The following TBC1D31 variants were observed in gnomAD, a reference collection of about 807,000 sequenced individuals.
TBC1D31 encodes WD repeat domain 67.
In TBC1D31, 99 loss-of-function variants were observed where a neutral mutation model predicts 132.9. That is an observed-to-expected ratio of 0.74 (90% confidence interval 0.63 to 0.88). The LOEUF (loss-of-function observed/expected upper bound fraction) is 0.88, where lower values mean the gene tolerates loss of function less well. Among genes scored for constraint, TBC1D31 ranks in the 40% least tolerant of loss-of-function variants. TBC1D31 has a pLI of 0.00. For synonymous variants in TBC1D31, 385 were observed against 419.4 expected, an observed-to-expected ratio of 0.92 and a Z score of 1.00; for missense variants, 1,134 against 1,256.6, an observed-to-expected ratio of 0.90 and a Z score of 1.48.
chr8:123,160,424 G>GGGAGGGAGAGGGA, the TBC1D31 span, among the ~76,000 whole-genome samples: 1 of 151,348 alleles, frequency 6.6e-6, no homozygotes, highest in African/African-American at 2.4e-5. Context: ...AGGAGAGGAG[G>GGGAGGGAGAGGGA]GGAGGGAGAG....
intron 15 of TBC1D31, 68 bp downstream of exon 15, chr8:123,129,286 A>AT (rs1820395858): frequency 1.8e-6 from 2 of 1,118,056 alleles, no homozygotes; most frequent in African/African-American, 1.6e-5. Context: ...ATGTTCTTTC[A>AT]TTTTTTCATT....
At chr8:123,157,252 C>T in the TBC1D31 span, among the ~76,000 whole-genome samples, 2 of 152,200 alleles carry the variant, frequency 1.3e-5, no homozygotes, top group Non-Finnish European at 1.5e-5. Flanking sequence ...GGATCGAACT[C>T]ACGACCTTCA....
At chr8:123,163,456 C>T in the TBC1D31 span, among the ~76,000 whole-genome samples, 3 of 150,676 alleles carry the variant, frequency 2.0e-5, no homozygotes, top group Non-Finnish European at 3.0e-5. Flanking sequence ...CCTCCACCTC[C>T]CCAGCCTTAG....
At chr8:123,162,053 T>C in the TBC1D31 span, among the ~76,000 whole-genome samples, 1 of 147,232 alleles carries the variant, frequency 6.8e-6, no homozygotes, top group East Asian at 2.0e-4. Context: ...CCCAATGACA[T>C]CTATATATGC....
At chr8:123,117,740 G>A (rs920959246) in intron 10 of TBC1D31, among the ~76,000 whole-genome samples, 63 of 106,396 alleles carry the variant, frequency 5.9e-4, no homozygotes, top group Non-Finnish European at 7.3e-4. Flanking sequence ...GCGACAGAGC[G>A]AAACTCCGTC....
rs1816936749 is a variant in TBC1D31 at position 123,097,441 on chromosome 8, G to A, written c.831G>A (p.Gln277=). 28 of 1,613,962 alleles carry A rather than the reference G, an allele frequency of 1.7e-5. No individual in the cohort carries two copies. Among genetic ancestry groups the A allele is most frequent in the Non-Finnish European group, 2.2e-5 (26 of 1,179,960 alleles). ...ATAGTTTTGATGCTGGTTCTAATCA[G>A]GTTAGTAACATAAATGTAGGGCACT... ...LPDSFDAGSN[Q]VLGVLSQDGI... Residue 277 remains glutamine, a splice_region_variant and synonymous_variant, in exon 6 of 22, where the codon CAG becomes CAA. Transcript: ENST00000287380.
Position 123,144,812 on chromosome 8 carries a change from G to A in TBC1D31, c.2931G>A (p.Glu977=), listed in dbSNP as rs1822030828. Residue 977 remains glutamate (E), a synonymous_variant, in exon 20 of 22, where the codon GAG becomes GAA. Transcript: ENST00000287380. ...CTAGAAAGTGGTTTTTAAAGCAAGA[G>A]ATAAATGCGGCTGTAGAACATGCTG... is the stretch of plus-strand genomic sequence containing the variant. ...DASRKWFLKQ[E]INAAVEHAEN... The A allele has an allele frequency of 2.5e-6, 4 of 1,613,826 alleles. No individual in the cohort carries two copies. Among genetic ancestry groups the A allele is most frequent in the South Asian group, 1.1e-5 (1 of 90,952 alleles).
chr8:123,117,529 C>T (rs1390392122), intron 10 of TBC1D31, among the ~76,000 whole-genome samples: 2 of 151,314 alleles, frequency 1.3e-5, no homozygotes, highest in Non-Finnish European at 2.9e-5. Context: ...CCGAGACGGG[C>T]GGATGACGAG....
At chr8:123,075,546 A>G (rs1200184596) in intron 1 of TBC1D31, among the ~76,000 whole-genome samples, 1 of 152,100 alleles carries the variant, frequency 6.6e-6, no homozygotes. Context: ...TACTAAAAAT[A>G]CAAAAAATTA....
Position 123,141,450 on chromosome 8 carries a change from A to G in TBC1D31, c.2640+549A>G, listed in dbSNP as rs543431061. Among the ~76,000 whole-genome samples the G allele has an allele frequency of 1.4e-4, 17 of 117,646 alleles. No homozygotes were observed. In the South Asian group the frequency reaches 4.4e-3, roughly 31 times the overall value. 77.2% of individuals were successfully genotyped at this position (117,646 alleles called of 152,430 possible). A position where few individuals can be genotyped will look rare whatever the true frequency, so the allele number is the denominator to read the frequency against. On this transcript the variant is annotated intron_variant, in intron 18 of 21. Coordinates refer to ENST00000287380, the MANE Select transcript of TBC1D31 (RefSeq NM_145647.4). ...ACGCCAAATTTGAGGATTTAAGAGAATTTCCAAGATGTATTTCAGAGAATT... is the reference window on the plus strand; with the variant it reads ...ACGCCAAATTTGAGGATTTAAGAGAGTTTCCAAGATGTATTTCAGAGAATT...
intron 17 of TBC1D31, among the ~76,000 whole-genome samples, chr8:123,137,189 C>T (rs927446690): frequency 6.6e-6 from 1 of 152,114 alleles, no homozygotes; most frequent in Non-Finnish European, 1.5e-5. Context: ...AGATCCCATC[C>T]CCTCATAATC....
chr8:123,141,687 T>C (rs1821693672), intron 18 of TBC1D31, among the ~76,000 whole-genome samples: 2 of 150,834 alleles, frequency 1.3e-5, no homozygotes, highest in South Asian at 4.2e-4. Context: ...AGATATTCCA[T>C]TTTTTTTTAA....
At chr8:123,147,162 TTG>T (rs1491215757) in intron 20 of TBC1D31, among the ~76,000 whole-genome samples, 2 of 149,480 alleles carry the variant, frequency 1.3e-5, no homozygotes, top group Admixed American at 1.4e-4. Flanking sequence ...ACACTTACCC[TTG>T]TTTTTTTTTT....
rs527441974 is a variant in TBC1D31 at position 123,117,289 on chromosome 8, G to A, written c.1437-2766G>A. ...CAGATCACACCACTGCACTCCGCCT[G>A]GGTGAAAGAGTGAGACTTTGTCTCC... On this transcript the variant is annotated intron_variant, in intron 10 of 21. Coordinates refer to ENST00000287380, the MANE Select transcript of TBC1D31 (RefSeq NM_145647.4). Among the ~76,000 whole-genome samples, 6 of 151,986 alleles carry A rather than the reference G, an allele frequency of 3.9e-5. No homozygotes were observed. The East Asian group carries it at 1.2e-3, about 29-fold the overall frequency.
chr8:123,145,595 C>T (rs371380333), intron 20 of TBC1D31, among the ~76,000 whole-genome samples: 1 of 151,508 alleles, frequency 6.6e-6, no homozygotes, highest in Admixed American at 6.6e-5. Context: ...GAGGCTGAGG[C>T]GAGAGGATCT....
intron 10 of TBC1D31, among the ~76,000 whole-genome samples, chr8:123,114,752 C>T (rs1309993204): frequency 1.3e-5 from 2 of 152,152 alleles, no homozygotes; most frequent in African/African-American, 4.8e-5. Flanking sequence ...CTTCCAGCCC[C>T]AATTTGACTT....
At chr8:123,117,610 G>A (rs1246314410) in intron 10 of TBC1D31, among the ~76,000 whole-genome samples, 2 of 151,356 alleles carry the variant, frequency 1.3e-5, no homozygotes, top group Non-Finnish European at 2.9e-5. Flanking sequence ...AAAATTAGCC[G>A]GGCATGGTGG....
At chr8:123,106,010 T>C (rs140933955) in intron 8 of TBC1D31, among the ~76,000 whole-genome samples, 11 of 152,066 alleles carry the variant, frequency 7.2e-5, no homozygotes, top group African/African-American at 2.4e-4. Context: ...TCCTAAGTGG[T>C]TGATTGAAAA....
At chr8:123,097,233 C>G (rs1254200200) in intron 5 of TBC1D31, 49 bp from the exon 6 acceptor site, 2 of 1,604,852 alleles carry the variant, frequency 1.2e-6, no homozygotes, top group South Asian at 2.2e-5. Context: ...GACAGTGCTG[C>G]TACAAACAAT....
Sources: allele counts gnomAD v4.1 joint callset (sites outside exome capture counted in the v4.1 genomes callset), GRCh38; gene constraint gnomAD v4.1.1; transcripts MANE v1.5; gene names NCBI Gene and HGNC (gene_info 2026-07-23, HGNC 2026-07-21).